Variants in RBBP9 observed in about 807,000 individuals in gnomAD.
The protein encoded by RBBP9 is serine hydrolase RBBP9.
A neutral mutation model predicts 24.2 loss-of-function variants in RBBP9; 20 were observed. The observed-to-expected ratio is 0.83, with a 90% CI of 0.58 to 1.20. RBBP9 has a LOEUF of 1.20. Among genes scored for constraint, RBBP9 ranks in the 50% most tolerant of loss-of-function variants. The pLI, the probability that RBBP9 is intolerant of heterozygous loss-of-function variation, is 0.00. For missense variants in RBBP9, 234 were observed against 233.6 expected (o/e 1.00, Z -0.01); for synonymous variants, 74 against 84.6 (o/e 0.87, Z 0.69).
rs1287426421 is a variant in RBBP9 at position 18,493,930 on chromosome 20, G to A, written c.248+28C>T. The A allele has an allele frequency of 3.3e-6, 5 of 1,536,174 alleles. No homozygotes were observed. The African/African-American group carries it at 5.6e-5, about 17-fold the overall frequency. ...AGCAAGCATGACTGGAGCCCACAAA[G>A]GGGATAGCAGTTTAACAAAGATCGC... On this transcript the variant is annotated intron_variant, in intron 3 of 4. Transcript: ENST00000337227.
At position 18,493,147 on chromosome 20, in the gene RBBP9, C is replaced by T. The variant is rs181773642; in HGVS notation, c.248+811G>A. Among the ~76,000 whole-genome samples the T allele has an allele frequency of 4.4e-3, 596 of 135,766 alleles. 6 individuals are homozygous for T. The highest frequency in any genetic ancestry group is 7.2e-3 in the Middle Eastern group (2 of 278). The allele number at this position is 135,766 out of a possible 152,430, so 89.1% of individuals were successfully genotyped here. A position where few individuals can be genotyped will look rare whatever the true frequency, so the allele number is the denominator to read the frequency against. On this transcript the variant is annotated intron_variant, in intron 3 of 4. Transcript: ENST00000337227. ...AGAAACTCAACCCTTATAGGCTAAA[C>T]TTAGCTTATTCAGCCAGCTAAGTCC...
chr20:18,489,864 T>G lies in RBBP9; in HGVS notation c.461A>C (p.Glu154Ala). 6.2e-7 allele frequency: 1 copy of G among 1,614,076 alleles called. No homozygotes were observed. The highest frequency in any genetic ancestry group is 1.7e-5 in the Admixed American group (1 of 60,030). The change falls in exon 5 of 5, where the codon GAA (glutamate) becomes GCA (alanine). Residue 154 changes from glutamate (E) to alanine (A), a missense_variant. Physicochemically the swap from Glu to Ala is moderately radical, Grantham distance 107. Transcript: ENST00000337227. ...GTCAGTGAATTTGTGCAATTTGGTT[T>G]CCAACCTATCGGCCACTTCTTGTTG... ...KEQQEVADRLETKLHKFTDCG... is the reference protein window; with the variant it reads ...KEQQEVADRLATKLHKFTDCG...
Position 18,495,844 on chromosome 20 carries a change from C to A in RBBP9, c.136G>T (p.Asp46Tyr). ...GFQCLAKNMP[D>Y]PITARESIWL... Reference sequence around the variant, plus strand: ...AAACAAGTTTAAAACTTACTTGGGTCGGGCATGTTTTTAGCCAAACACTGG... The same window carrying A: ...AAACAAGTTTAAAACTTACTTGGGTAGGGCATGTTTTTAGCCAAACACTGG... Residue 46 changes from aspartate (D) to tyrosine (Y), a missense_variant, in exon 2 of 5, where the codon GAC (aspartate) becomes TAC (tyrosine). Coordinates refer to ENST00000337227, the MANE Select transcript of RBBP9 (RefSeq NM_006606.3). The A allele has an allele frequency of 6.4e-7, 1 of 1,568,880 alleles. No individual in the cohort carries two copies. The highest frequency in any genetic ancestry group is 8.8e-7 in the Non-Finnish European group (1 of 1,141,576).
chr20:18,493,971 T>C lies in RBBP9; in HGVS notation c.235A>G (p.Ile79Val), dbSNP rs561214957. ...CAAAGATCGCACCTCATGGCCGCGA[T>C]GGCCCCAGAACTGTGGCCAATGATG... is the stretch of plus-strand genomic sequence containing the variant. ...TIIIGHSSGA[I>V]AAMRYAETHR... Residue 79 changes from isoleucine to valine, a missense_variant, in exon 3 of 5, where the codon ATC (isoleucine) becomes GTC (valine). Transcript: ENST00000337227. 1 of 1,607,312 alleles carries C rather than the reference T, an allele frequency of 6.2e-7. No homozygotes were observed. The highest frequency in any genetic ancestry group is 2.2e-5 in the East Asian group (1 of 44,620).
At chr20:18,494,702 C>A (rs1183993704) in intron 2 of RBBP9, among the ~76,000 whole-genome samples, 1 of 151,916 alleles carries the variant, frequency 6.6e-6, no homozygotes, top group Non-Finnish European at 1.5e-5. Flanking sequence ...CAAAAAAACT[C>A]TTGCAACATT....
rs1333518352 is a variant in RBBP9 at position 18,496,208 on chromosome 20, AG to A, written c.100-329del. On this transcript the variant is annotated intron_variant, in intron 1 of 4. Transcript: ENST00000337227. ...CCAAATAGACTGTGTTCCAGGGAGT[AG>A]GTAAAACGTGGCACAGGAACGTGAT... 2.6e-5 allele frequency among the ~76,000 whole-genome samples: 4 copies of A among 152,336 alleles called. No homozygotes were observed. The East Asian group carries it at 5.8e-4, about 22-fold the overall frequency.
chr20:18,495,981 C>G, intron 1 of RBBP9, 101 bp from the exon 2 acceptor site: 1 of 979,750 alleles, frequency 1.0e-6, no homozygotes, highest in Non-Finnish European at 1.5e-6. Flanking sequence ...GTTACCAATT[C>G]AGTATTAACT....
At position 18,489,239 on chromosome 20, in the gene RBBP9, T is replaced by C. The variant is rs1328020179; in HGVS notation, c.*525A>G. The C allele has an allele frequency of 1.3e-5, 2 of 152,652 alleles. No homozygotes were observed. Among genetic ancestry groups the C allele is most frequent in the African/African-American group, 4.8e-5 (2 of 41,444 alleles). The allele number at this position is 152,652 out of a possible 1,614,324, so 9.5% of individuals were successfully genotyped here. A position where few individuals can be genotyped will look rare whatever the true frequency, so the allele number is the denominator to read the frequency against. On this transcript the variant is annotated 3_prime_UTR_variant, in exon 5 of 5. Transcript: ENST00000337227. ...ACTCCTGTCTCAGTCTCTCTCAACA[T>C]GTCTGAAGGACTTAGGGGCAAGTGT... is the stretch of plus-strand genomic sequence containing the variant.
chr20:18,495,840 G>T lies in RBBP9; in HGVS notation c.140C>A (p.Pro47Gln). 6.4e-7 allele frequency: 1 copy of T among 1,562,892 alleles called. No individual in the cohort carries two copies. The highest frequency in any genetic ancestry group is 8.8e-7 in the Non-Finnish European group (1 of 1,136,156). ...FQCLAKNMPDPITARESIWLP... is the reference protein window; with the variant it reads ...FQCLAKNMPDQITARESIWLP... ...TTAAAAACAAGTTTAAAACTTACTT[G>T]GGTCGGGCATGTTTTTAGCCAAACA... Residue 47 changes from proline (P) to glutamine (Q), a missense_variant and splice_region_variant, in exon 2 of 5, where the codon CCA becomes CAA. Physicochemically the swap from Pro to Gln is moderately conservative, Grantham distance 76. Coordinates refer to ENST00000337227, the MANE Select transcript of RBBP9 (RefSeq NM_006606.3).
rs1238463455 is a variant in RBBP9 at position 18,490,007 on chromosome 20, AT to A, written c.335-18del. On this transcript the variant is annotated intron_variant, in intron 4 of 4. Coordinates refer to ENST00000337227, the MANE Select transcript of RBBP9 (RefSeq NM_006606.3). The stretch of plus-strand genomic sequence containing the variant: ...TGAAGTATCCTATGGGGAAAAAAAA[AT>A]GATCTTTCAGTACCCATGGATAATC... 7 of 1,551,994 alleles carry A rather than the reference AT, an allele frequency of 4.5e-6. No homozygotes were observed. Among genetic ancestry groups the A allele is most frequent in the Non-Finnish European group, 6.2e-6 (7 of 1,131,278 alleles).
At position 18,493,963 on chromosome 20, in the gene RBBP9, G is replaced by A. The variant is rs978805241; in HGVS notation, c.243C>T (p.Ala81=). The change falls in exon 3 of 5, where the codon GCC becomes GCT. Residue 81 remains alanine (A), a synonymous_variant. Transcript: ENST00000337227. ...IIGHSSGAIA[A]MRYAETHRVY... ...CAGTTTAACAAAGATCGCACCTCAT[G>A]GCCGCGATGGCCCCAGAACTGTGGC... 6.2e-7 allele frequency: 1 copy of A among 1,606,128 alleles called. No homozygotes were observed. The highest frequency in any genetic ancestry group is 8.5e-7 in the Non-Finnish European group (1 of 1,177,230).
intron 3 of RBBP9, 54 bp downstream of exon 3, chr20:18,493,904 A>T: frequency 7.3e-7 from 1 of 1,370,212 alleles, no homozygotes; most frequent in Non-Finnish European, 1.0e-6. Context: ...GGTATTTCTC[A>T]AGCAAGCATG....
At chr20:18,494,346 A>G in intron 2 of RBBP9, among the ~76,000 whole-genome samples, 1 of 148,000 alleles carries the variant, frequency 6.8e-6, no homozygotes, top group South Asian at 2.1e-4. Context: ...ATAATAAAAT[A>G]TAACTCTGAA....
chr20:18,489,656 C>T lies in RBBP9; in HGVS notation c.*108G>A. ...AATGTTGAAACTTGTGTTTGTTTTT[C>T]AGGCACTTACGGAACTTAACTGGAT... On this transcript the variant is annotated 3_prime_UTR_variant, in exon 5 of 5. Coordinates refer to ENST00000337227, the MANE Select transcript of RBBP9 (RefSeq NM_006606.3). The T allele has an allele frequency of 1.4e-6, 1 of 695,120 alleles. No homozygotes were observed. Among genetic ancestry groups the T allele is most frequent in the Non-Finnish European group, 2.4e-6 (1 of 416,864 alleles). 43.1% of individuals were successfully genotyped at this position (695,120 alleles called of 1,614,324 possible).
chr20:18,497,033 G>C (rs1288366658), intron 1 of RBBP9, 36 bp downstream of exon 1: 1 of 1,569,036 alleles, frequency 6.4e-7, no homozygotes, highest in Non-Finnish European at 8.8e-7. Flanking sequence ...CCTCCCTCCA[G>C]GCTGACTTCA....
chr20:18,490,490 C>G lies in RBBP9; in HGVS notation c.249-10G>C, dbSNP rs1210713904. On this transcript the variant is annotated splice_polypyrimidine_tract_variant and intron_variant, in intron 3 of 4. Coordinates refer to ENST00000337227, the MANE Select transcript of RBBP9 (RefSeq NM_006606.3). Reference sequence around the variant, plus strand: ...ATGTGTTTCTGCATACCTGGAGAAACAAAAATGATGTCAGCTAATATATAA... The same window carrying G: ...ATGTGTTTCTGCATACCTGGAGAAAGAAAAATGATGTCAGCTAATATATAA... 6.3e-7 allele frequency: 1 copy of G among 1,589,924 alleles called. No individual in the cohort carries two copies. Among genetic ancestry groups the G allele is most frequent in the Non-Finnish European group, 8.6e-7 (1 of 1,159,000 alleles).
intron 3 of RBBP9, among the ~76,000 whole-genome samples, chr20:18,491,747 T>C (rs1045259057): frequency 3.9e-5 from 6 of 152,192 alleles, no homozygotes; most frequent in Admixed American, 2.6e-4. Context: ...TTCTTGGGCC[T>C]GAACTTTTTT....
At position 18,495,448 on chromosome 20, in the gene RBBP9, T is replaced by TGCGGAAGGCC. The variant is rs567356230; in HGVS notation, c.142+380_142+389dup. ...CTCAAGTACCCAGGGACGCAAACACTGCGGAAGGCCGCAGGGTCCTCTGCC... is the reference window on the plus strand; with the variant it reads ...CTCAAGTACCCAGGGACGCAAACACTGCGGAAGGCCGCGGAAGGCCGCAGGGTCCTCTGCC... On this transcript the variant is annotated intron_variant, in intron 2 of 4. Transcript: ENST00000337227. Among the ~76,000 whole-genome samples, 93 of 151,420 alleles carry TGCGGAAGGCC rather than the reference T, an allele frequency of 6.1e-4. 1 individual carries two copies. The highest frequency in any genetic ancestry group is 2.1e-3 in the African/African-American group (85 of 41,340).
At chr20:18,495,717 C>G in intron 2 of RBBP9, 121 bp downstream of exon 2, 1 of 766,070 alleles carries the variant, frequency 1.3e-6, no homozygotes, top group Non-Finnish European at 2.0e-6. Context: ...TTGCCTTATT[C>G]TTTCTTAGGT....
Sources: gnomAD v4.1 joint callset for allele counts (sites outside exome capture counted in the v4.1 genomes callset) on GRCh38, gnomAD v4.1.1 for gene constraint, MANE v1.5 for transcripts, NCBI Gene and HGNC (gene_info 2026-07-23, HGNC 2026-07-21) for gene names.